Variants in POLA1 observed in about 807,000 individuals in gnomAD.
POLA1 encodes DNA polymerase alpha catalytic subunit.
In POLA1, 15 loss-of-function variants were observed where a neutral mutation model predicts 124.0. The ratio of observed to expected loss-of-function variants is 0.12; its 90% CI spans 0.08 to 0.19. The LOEUF is 0.19. Ranked by LOEUF, POLA1 falls within the 10% of genes least tolerant of loss-of-function variation. POLA1 has a pLI of 1.00. For synonymous variants in POLA1, 408 were observed against 389.4 expected (o/e 1.05, Z -0.56); for missense variants, 886 against 1,103.4 (o/e 0.80, Z 2.79).
chrX:24,713,656 C>A (rs1474363366), intron 4 of POLA1, among the ~76,000 whole-genome samples: 1 of 111,726 alleles, frequency 9.0e-6, no homozygotes, highest in East Asian at 2.8e-4. Flanking sequence ...ATCTCGTGAT[C>A]CGCCCGCCTC....
chrX:24,817,263 T>C (rs1202660576), intron 30 of POLA1, among the ~76,000 whole-genome samples: 1 of 111,716 alleles, frequency 9.0e-6, no homozygotes, highest in Non-Finnish European at 1.9e-5. Flanking sequence ...GGATATAAAG[T>C]TGAATAAGGA....
intron 26 of POLA1, among the ~76,000 whole-genome samples, chrX:24,787,134 T>C (rs1390139835): frequency 9.0e-6 from 1 of 111,520 alleles, no homozygotes; most frequent in Non-Finnish European, 1.9e-5. Context: ...TAACCCCTTA[T>C]CAGATAATAT....
intron 4 of POLA1, among the ~76,000 whole-genome samples, chrX:24,713,500 T>C (rs1929613476): frequency 9.0e-6 from 1 of 110,509 alleles, no homozygotes; most frequent in Non-Finnish European, 1.9e-5. Flanking sequence ...CACTGCAATC[T>C]CGCCTCCGGG....
intron 3 of POLA1, among the ~76,000 whole-genome samples, chrX:24,704,054 C>T (rs1290946735): frequency 8.9e-6 from 1 of 111,931 alleles, no homozygotes; most frequent in Non-Finnish European, 1.9e-5. Flanking sequence ...TCTCTCTGGG[C>T]TTGTGGTAAT....
At position 24,814,965 on chromosome X, in the gene POLA1, T is replaced by C. The variant is rs749632515; in HGVS notation, c.3297-14T>C. On this transcript the variant is annotated splice_polypyrimidine_tract_variant and intron_variant, in intron 29 of 36. Transcript: ENST00000379068. ...ACTGCTGTCTTTGTTTTGTTTTTTT[T>C]TTTTTTTTTGCAGCTTTGTGATTGG... The C allele has an allele frequency of 3.7e-6, 4 of 1,079,047 alleles. No homozygotes were observed. Among genetic ancestry groups the C allele is most frequent in the Admixed American group, 6.6e-5 (2 of 30,119 alleles). The allele number at this position is 1,079,047 out of a possible 1,213,427, so 88.9% of individuals were successfully genotyped here.
chrX:24,776,217 ACT>A (rs1441436463), intron 26 of POLA1, among the ~76,000 whole-genome samples: 1 of 111,941 alleles, frequency 8.9e-6, no homozygotes, highest in Non-Finnish European at 1.9e-5. Flanking sequence ...CAGAATGCTT[ACT>A]CTCTTATTGC....
intron 36 of POLA1, among the ~76,000 whole-genome samples, chrX:24,970,701 G>T (rs1166676218): frequency 8.9e-6 from 1 of 112,358 alleles, no homozygotes; most frequent in Non-Finnish European, 1.9e-5. Flanking sequence ...TTCTTAAGTG[G>T]ATATGGTTGA....
At chrX:24,748,718 G>A (rs1932157919) in intron 25 of POLA1, 152 bp from the exon 26 acceptor site, 1 of 603,042 alleles carries the variant, frequency 1.7e-6, no homozygotes, top group African/African-American at 2.3e-5. Context: ...AGGGAATCAT[G>A]GATCCAGGAG....
chrX:24,824,863 A>C (rs886426300), intron 31 of POLA1, among the ~76,000 whole-genome samples: 1 of 111,705 alleles, frequency 9.0e-6, no homozygotes, highest in Non-Finnish European at 1.9e-5. Flanking sequence ...TATGAGAACT[A>C]CTGAAATATT....
At position 24,743,335 on chromosome X, in the gene POLA1, G is replaced by C. The variant is rs993452973; in HGVS notation, c.2566+6G>C. Reference sequence around the variant, plus strand: ...GGTTTTGGACCCCAAAGTTGGTAAGGCTGGGCAGTGAATTGGTTTTCTCCC... The same window carrying C: ...GGTTTTGGACCCCAAAGTTGGTAAGCCTGGGCAGTGAATTGGTTTTCTCCC... On this transcript the variant is annotated splice_donor_region_variant and intron_variant, in intron 23 of 36. Coordinates refer to ENST00000379068, the MANE Select transcript of POLA1 (RefSeq NM_001330360.2). 2 of 1,004,151 alleles carry C rather than the reference G, an allele frequency of 2.0e-6. No individual in the cohort carries two copies. Among genetic ancestry groups the C allele is most frequent in the Non-Finnish European group, 2.8e-6 (2 of 715,837 alleles). 82.8% of individuals were successfully genotyped at this position (1,004,151 alleles called of 1,213,427 possible).
intron 35 of POLA1, among the ~76,000 whole-genome samples, chrX:24,918,158 C>T (rs1167367498): frequency 2.8e-5 from 3 of 107,633 alleles, no homozygotes; most frequent in Non-Finnish European, 5.8e-5. Context: ...AAATCTACCT[C>T]TACACTTTCT....
At chrX:24,715,065 A>G (rs1929731583) in intron 5 of POLA1, 76 bp from the exon 6 acceptor site, 8 of 695,121 alleles carry the variant, frequency 1.2e-5, no homozygotes, top group Non-Finnish European at 1.8e-5. Context: ...CCTTCCTTTC[A>G]TATACATGTG....
At chrX:24,943,075 A>T (rs113834440) in intron 36 of POLA1, among the ~76,000 whole-genome samples, 1,198 of 112,646 alleles carry the variant, frequency 0.011, 17 homozygotes, top group African/African-American at 0.037. Context: ...AAAGAAATTG[A>T]TCCATCCTAC....
At chrX:24,956,070 A>T (rs1286643503) in intron 36 of POLA1, among the ~76,000 whole-genome samples, 1 of 106,493 alleles carries the variant, frequency 9.4e-6, no homozygotes, top group East Asian at 3.0e-4. Context: ...GACGCAGAAG[A>T]GTCATTTGAG....
intron 26 of POLA1, among the ~76,000 whole-genome samples, chrX:24,804,681 G>A (rs1278654017): frequency 8.9e-6 from 1 of 111,786 alleles, no homozygotes; most frequent in East Asian, 2.8e-4. Context: ...TTTCGGAATA[G>A]GACCTTGAAA....
intron 35 of POLA1, among the ~76,000 whole-genome samples, chrX:24,896,867 G>A (rs2047212509): frequency 8.9e-6 from 1 of 112,135 alleles, no homozygotes; most frequent in African/African-American, 3.2e-5. Context: ...AGCTATTGAA[G>A]GTATTTGCTA....
intron 32 of POLA1, among the ~76,000 whole-genome samples, chrX:24,841,001 T>C (rs1203063944): frequency 1.8e-5 from 2 of 112,458 alleles, no homozygotes; most frequent in Non-Finnish European, 3.8e-5. Flanking sequence ...GAATGAAATA[T>C]GGAAGGTATA....
chrX:24,881,796 G>A (rs1601832393), intron 34 of POLA1, among the ~76,000 whole-genome samples: 1 of 111,709 alleles, frequency 9.0e-6, no homozygotes, highest in East Asian at 2.8e-4. Context: ...TCAAGGAATC[G>A]ACCTTTTAGG....
At chrX:24,941,556 G>T (rs1041166171) in intron 36 of POLA1, among the ~76,000 whole-genome samples, 4 of 112,491 alleles carry the variant, frequency 3.6e-5, no homozygotes, top group Non-Finnish European at 7.5e-5. Flanking sequence ...ATTAATCAGT[G>T]CCATTTATTA....
Sources: gnomAD v4.1 joint callset for allele counts (sites outside exome capture counted in the v4.1 genomes callset) on GRCh38, gnomAD v4.1.1 for gene constraint, MANE v1.5 for transcripts, NCBI Gene and HGNC (gene_info 2026-07-23, HGNC 2026-07-21) for gene names.